Variants in MTFR1 observed in about 807,000 individuals in gnomAD.
The protein encoded by MTFR1 is chondrocyte protein with a poly-proline region.
Under a neutral mutation model 38.8 loss-of-function variants are expected in MTFR1, and 28 were observed. The ratio of observed to expected loss-of-function variants is 0.72; its 90% CI spans 0.53 to 0.99. MTFR1 has a LOEUF of 0.99. Among genes scored for constraint, MTFR1 ranks in the 50% least tolerant of loss-of-function variants. The pLI is 0.00. For synonymous variants in MTFR1, 145 were observed against 137.0 expected (o/e 1.06, Z -0.41); for missense variants, 358 against 395.5 (o/e 0.91, Z 0.81).
At chr8:65,716,148 C>CA (rs376045290) in intron 2 of MTFR1, among the ~76,000 whole-genome samples, 19,136 of 88,220 alleles carry the variant, frequency 0.22, 1,425 homozygotes, top group Middle Eastern at 0.35. Flanking sequence ...GACCCTGTCT[C>CA]AAAAAAAAAA....
At chr8:65,751,767 C>G (rs1248399238) in intron 3 of MTFR1, among the ~76,000 whole-genome samples, 2 of 152,232 alleles carry the variant, frequency 1.3e-5, no homozygotes, top group Non-Finnish European at 2.9e-5. Flanking sequence ...GCTGGGATTA[C>G]AGGCGTGAGC....
intron 3 of MTFR1, among the ~76,000 whole-genome samples, chr8:65,730,171 C>CTTTTTTTTTTTTTTTTTTTT (rs1179431555): frequency 1.5e-4 from 13 of 86,436 alleles, no homozygotes; most frequent in South Asian, 4.7e-4. Flanking sequence ...TTGCGCACTT[C>CTTTTTTTTTTTTTTTTTTTT]TTTTTTTTTT....
chr8:65,726,606 A>G (rs1358439908), intron 3 of MTFR1, among the ~76,000 whole-genome samples: 1 of 152,314 alleles, frequency 6.6e-6, no homozygotes, highest in African/African-American at 2.4e-5. Context: ...GTAGTAAACT[A>G]TGGCTGAGCA....
intron 3 of MTFR1, chr8:65,719,527 T>C (rs766352881): frequency 7.2e-7 from 1 of 1,380,896 alleles, no homozygotes; most frequent in South Asian, 1.2e-5. Flanking sequence ...GTTATTAACA[T>C]ATATGCTGAA....
At chr8:65,689,051 A>T (rs1351010617) in intron 3 of MTFR1, among the ~76,000 whole-genome samples, 2 of 152,132 alleles carry the variant, frequency 1.3e-5, no homozygotes, top group Admixed American at 6.6e-5. Flanking sequence ...AGGCTGAGGC[A>T]GGAGAATTGC....
At chr8:65,682,277 A>G (rs569381803) in intron 2 of MTFR1, 76 bp from the exon 3 acceptor site, 2 of 638,200 alleles carry the variant, frequency 3.1e-6, no homozygotes, top group East Asian at 6.3e-5. Context: ...ATGTCATACA[A>G]ATAATTGTCT....
In MTFR1 at chr8:65,675,262, C is replaced by T. The variant is rs1804679896; in HGVS notation, c.66+5244C>T. On this transcript the variant is annotated intron_variant, in intron 2 of 7. Transcript: ENST00000262146. ...GAGCCGAGATCACGCCACTGCACTCCAGCCTGGGCGACAGAGCAAGACTCC... is the reference window on the plus strand; with the variant it reads ...GAGCCGAGATCACGCCACTGCACTCTAGCCTGGGCGACAGAGCAAGACTCC... 2.9e-5 allele frequency among the ~76,000 whole-genome samples: 4 copies of T among 139,814 alleles called. No individual in the cohort carries two copies. The Admixed American group carries it at 2.9e-4, about 10-fold the overall frequency. 91.7% of individuals were successfully genotyped at this position (139,814 alleles called of 152,430 possible).
intron 1 of MTFR1, among the ~76,000 whole-genome samples, chr8:65,665,639 G>T (rs540534604): frequency 6.6e-6 from 1 of 151,726 alleles, no homozygotes; most frequent in Non-Finnish European, 1.5e-5. Flanking sequence ...CTTCCTTATC[G>T]CGCTAGCCAG....
chr8:65,711,046 G>A (rs778282548), downstream of MTFR1, among the ~76,000 whole-genome samples: 1 of 152,142 alleles, frequency 6.6e-6, no homozygotes, highest in Non-Finnish European at 1.5e-5. Flanking sequence ...ATCTGAGTCA[G>A]AGAACACTGG....
chr8:65,771,490 C>T (rs1461781958), downstream of MTFR1, among the ~76,000 whole-genome samples: 1 of 152,094 alleles, frequency 6.6e-6, no homozygotes, highest in Non-Finnish European at 1.5e-5. Flanking sequence ...TGATATCGAT[C>T]TCCCTCTATA....
At chr8:65,688,734 C>T (rs558006459) in intron 3 of MTFR1, among the ~76,000 whole-genome samples, 3 of 151,824 alleles carry the variant, frequency 2.0e-5, no homozygotes, top group African/African-American at 7.2e-5. Flanking sequence ...CGTAAGCCAC[C>T]GCGCCCAGCC....
chr8:65,760,114 C>T (rs1808421961), intron 3 of MTFR1, among the ~76,000 whole-genome samples: 1 of 151,870 alleles, frequency 6.6e-6, no homozygotes, highest in African/African-American at 2.4e-5. Flanking sequence ...GTGGTGGTCG[C>T]CTGTAATACC....
At chr8:65,645,520 C>G (rs549289222) in intron 1 of MTFR1, among the ~76,000 whole-genome samples, 33 of 152,188 alleles carry the variant, frequency 2.2e-4, no homozygotes, top group African/African-American at 7.5e-4. Flanking sequence ...CAGTCTTGCT[C>G]CCCTAATCCG....
In MTFR1 at chr8:65,668,614, A is replaced by G. The variant is rs1323295522; in HGVS notation, c.-80-1259A>G. Among the ~76,000 whole-genome samples the G allele has an allele frequency of 2.7e-5, 4 of 149,900 alleles. No individual in the cohort carries two copies. In the East Asian group the frequency reaches 7.8e-4, roughly 29 times the overall value. Reference sequence around the variant, plus strand: ...TTGCATCCTCCGCCTACTGGCTTCAAGCGATTCTCCTGCCCCAGCCTCCCA... The same window carrying G: ...TTGCATCCTCCGCCTACTGGCTTCAGGCGATTCTCCTGCCCCAGCCTCCCA... On this transcript the variant is annotated intron_variant, in intron 1 of 7. Coordinates refer to ENST00000262146, the MANE Select transcript of MTFR1 (RefSeq NM_014637.4).
intron 3 of MTFR1, among the ~76,000 whole-genome samples, chr8:65,757,896 T>C (rs1585881401): frequency 6.6e-6 from 1 of 152,166 alleles, no homozygotes; most frequent in South Asian, 2.1e-4. Context: ...GGATTACAGG[T>C]GTGAGCCACC....
intron 1 of MTFR1, among the ~76,000 whole-genome samples, chr8:65,669,375 C>CAGAT (rs1215142495): frequency 1.3e-5 from 2 of 152,222 alleles, no homozygotes; most frequent in African/African-American, 4.8e-5. Context: ...TATTATCCAC[C>CAGAT]AGATATCTTT....
chr8:65,644,499 G>A (rs1808892437), upstream of MTFR1, among the ~76,000 whole-genome samples: 1 of 152,238 alleles, frequency 6.6e-6, no homozygotes, highest in African/African-American at 2.4e-5. Flanking sequence ...GCACTTCCCA[G>A]GACAGGACGG....
At chr8:65,680,067 C>G (rs1039076894) in intron 2 of MTFR1, among the ~76,000 whole-genome samples, 1 of 146,184 alleles carries the variant, frequency 6.8e-6, no homozygotes, top group African/African-American at 2.5e-5. Flanking sequence ...TTCAGTGAAA[C>G]TTTGGAAAAT....
chr8:65,658,042 A>T (rs921755088), intron 1 of MTFR1, among the ~76,000 whole-genome samples: 2 of 152,202 alleles, frequency 1.3e-5, no homozygotes, highest in African/African-American at 4.8e-5. Flanking sequence ...CCAGTGATTC[A>T]TAAGGAACCT....
Sources: gnomAD v4.1 joint callset for allele counts (sites outside exome capture counted in the v4.1 genomes callset) on GRCh38, gnomAD v4.1.1 for gene constraint, MANE v1.5 for transcripts, NCBI Gene and HGNC (gene_info 2026-07-23, HGNC 2026-07-21) for gene names.